Variants in TRRAP observed in about 807,000 individuals in gnomAD.
TRRAP encodes the protein transformation/transcription domain associated protein.
Under a neutral mutation model 438.8 loss-of-function variants are expected in TRRAP, and 41 were observed. That is an observed-to-expected ratio of 0.09 (90% CI 0.07 to 0.12). TRRAP has a LOEUF of 0.12. Among genes scored for constraint, TRRAP ranks in the 10% least tolerant of loss-of-function variants. TRRAP has a pLI of 1.00. For synonymous variants in TRRAP, 1,994 were observed against 1,962.9 expected (o/e 1.02, Z -0.42); for missense variants, 3,122 against 5,055.1 (o/e 0.62, Z 11.60).
At chr7:98,918,113 C>A (rs1287584751) in intron 20 of TRRAP, among the ~76,000 whole-genome samples, 2 of 142,914 alleles carry the variant, frequency 1.4e-5, no homozygotes, top group Admixed American at 1.3e-4. Context: ...AAAATCAGAC[C>A]CTGTCTCAAA....
At chr7:98,980,905 A>G (rs996199585) in intron 58 of TRRAP, among the ~76,000 whole-genome samples, 1 of 151,958 alleles carries the variant, frequency 6.6e-6, no homozygotes, top group Non-Finnish European at 1.5e-5. Flanking sequence ...ATAAACAAAA[A>G]TTAGCCTGGT....
At chr7:98,995,290 G>A (rs1331993920) in intron 67 of TRRAP, among the ~76,000 whole-genome samples, 2 of 151,826 alleles carry the variant, frequency 1.3e-5, no homozygotes, top group East Asian at 3.9e-4. Flanking sequence ...GGTGGGAGAT[G>A]GTGTTAGTGA....
chr7:98,980,671 CAT>C (rs1208624219), intron 58 of TRRAP, among the ~76,000 whole-genome samples: 1 of 152,230 alleles, frequency 6.6e-6, no homozygotes. Flanking sequence ...AAAATTTGCA[CAT>C]GTTCCCTCAT....
chr7:98,973,956 A>G (rs1215826853), intron 53 of TRRAP, among the ~76,000 whole-genome samples: 1 of 151,892 alleles, frequency 6.6e-6, no homozygotes, highest in Non-Finnish European at 1.5e-5. Context: ...TTTGTGTCCC[A>G]TTTTCCTCGT....
Position 98,948,403 on chromosome 7 carries a change from C to CT in TRRAP, c.4668+65dup. ...CCCTCCGGTGCTTATAGCGTCCTCA[C>CT]TTGATCGTATTTTCAATGGACGGAA... On this transcript the variant is annotated intron_variant, in intron 34 of 72. Transcript: ENST00000456197. This position sits in a 1 kb window ranked among gnomAD's most constrained non-coding sequence, Gnocchi z 4.9. 6 of 1,611,570 alleles carry CT rather than the reference C, an allele frequency of 3.7e-6. No individual in the cohort carries two copies. Among genetic ancestry groups the CT allele is most frequent in the Non-Finnish European group, 5.1e-6 (6 of 1,178,534 alleles).
chr7:98,897,326 C>G (rs1441266148), intron 7 of TRRAP, among the ~76,000 whole-genome samples: 2 of 152,176 alleles, frequency 1.3e-5, no homozygotes, highest in Admixed American at 6.5e-5. Context: ...ACTGCCAGCT[C>G]GTAGTTTCTT....
intron 58 of TRRAP, among the ~76,000 whole-genome samples, chr7:98,981,290 T>C (rs1792903165): frequency 6.6e-6 from 1 of 152,124 alleles, no homozygotes; most frequent in Non-Finnish European, 1.5e-5. Flanking sequence ...TAATCCCAGC[T>C]GCTCAGGAGG....
intron 18 of TRRAP, 144 bp downstream of exon 18, chr7:98,912,357 A>G (rs782381001): frequency 2.2e-5 from 15 of 688,138 alleles, no homozygotes; most frequent in Admixed American, 3.7e-5. Context: ...TTTTGGGACT[A>G]TAGGCACTCA....
rs150015663 is a variant in TRRAP, at chr7:98,945,629, T to G, written c.4474-118T>G. The G allele has an allele frequency of 3.5e-5, 41 of 1,175,434 alleles. No individual in the cohort carries two copies. In the East Asian group the frequency reaches 1.0e-3, roughly 29 times the overall value. 72.8% of individuals were successfully genotyped at this position (1,175,434 alleles called of 1,614,324 possible). On this transcript the variant is annotated intron_variant, in intron 31 of 72. Transcript: ENST00000456197. Reference sequence around the variant, plus strand: ...TTGTTAATTACTGTGTGCTTTCTGATAATTTGTGTCTTTACTGTCTTGTTA... The same window carrying G: ...TTGTTAATTACTGTGTGCTTTCTGAGAATTTGTGTCTTTACTGTCTTGTTA...
chr7:98,893,651 C>T, intron 5 of TRRAP, 147 bp from the exon 6 acceptor site: 1 of 723,364 alleles, frequency 1.4e-6, no homozygotes, highest in Non-Finnish European at 2.3e-6. Flanking sequence ...AGCTTTCTGT[C>T]TGGGACAACT....
chr7:98,981,369 T>A (rs958679920), intron 58 of TRRAP, among the ~76,000 whole-genome samples: 1 of 152,228 alleles, frequency 6.6e-6, no homozygotes, highest in Non-Finnish European at 1.5e-5. Context: ...ACCACTGCTC[T>A]GCAGGCTGGG....
At position 98,922,313 on chromosome 7, in the gene TRRAP, C is replaced by T. The variant is rs370419165; in HGVS notation, c.2823+360C>T. ...GCAGTGCCTCGCTTTCTCCCATTCT[C>T]TATCCAAACGCAGCTCGCACTGTCT... On this transcript the variant is annotated intron_variant, in intron 21 of 72. Coordinates refer to ENST00000456197, the MANE Select transcript of TRRAP (RefSeq NM_001375524.1). Among the ~76,000 whole-genome samples, 41 of 152,346 alleles carry T rather than the reference C, an allele frequency of 2.7e-4. No individual in the cohort carries two copies. In the South Asian group the frequency reaches 7.7e-3, roughly 28 times the overall value.
At chr7:98,886,149 G>C (rs1232897464) in intron 3 of TRRAP, among the ~76,000 whole-genome samples, 1 of 152,228 alleles carries the variant, frequency 6.6e-6, no homozygotes, top group Non-Finnish European at 1.5e-5. Context: ...AGCCGAGCAT[G>C]GTGGCACATG....
At position 98,948,432 on chromosome 7, in the gene TRRAP, C is replaced by T; in HGVS notation, c.4668+92C>T. 1 of 1,609,818 alleles carries T rather than the reference C, an allele frequency of 6.2e-7. No individual in the cohort carries two copies. Among genetic ancestry groups the T allele is most frequent in the East Asian group, 2.2e-5 (1 of 44,830 alleles). ...ATCGTATTTTCAATGGACGGAACAGCATAAAGACGTTCGATGTCAACATTT... is the reference window on the plus strand; with the variant it reads ...ATCGTATTTTCAATGGACGGAACAGTATAAAGACGTTCGATGTCAACATTT... On this transcript the variant is annotated intron_variant, in intron 34 of 72. Coordinates refer to ENST00000456197, the MANE Select transcript of TRRAP (RefSeq NM_001375524.1). This position sits in a 1 kb window ranked among gnomAD's most constrained non-coding sequence, Gnocchi z 4.9.
chr7:98,922,052 C>T (rs1256045437), intron 21 of TRRAP, 99 bp downstream of exon 21: 3 of 1,485,370 alleles, frequency 2.0e-6, no homozygotes, highest in East Asian at 2.4e-5. Flanking sequence ...TAGGCAATCT[C>T]TGAGTAGAAC....
intron 65 of TRRAP, among the ~76,000 whole-genome samples, chr7:98,992,450 T>C (rs1255543605): frequency 6.6e-6 from 1 of 152,222 alleles, no homozygotes; most frequent in Non-Finnish European, 1.5e-5. Context: ...TCCGAGTGAT[T>C]TGATCTATAG....
chr7:98,879,682 C>T (rs1438479577), intron 1 of TRRAP, among the ~76,000 whole-genome samples: 2 of 152,210 alleles, frequency 1.3e-5, no homozygotes, highest in African/African-American at 4.8e-5. Context: ...ACAAACTCCC[C>T]CGCCTTGGTT....
chr7:98,946,467 G>GACCACACGTGCACTCAC (rs1554416861), intron 33 of TRRAP, among the ~76,000 whole-genome samples: 1 of 137,834 alleles, frequency 7.3e-6, no homozygotes, highest in East Asian at 2.2e-4. Context: ...CGTGCACACA[G>GACCACACGTGCACTCAC]ACCACACGTG....
At chr7:98,929,444 A>T (rs1790221202) in intron 23 of TRRAP, among the ~76,000 whole-genome samples, 1 of 152,210 alleles carries the variant, frequency 6.6e-6, no homozygotes, top group Non-Finnish European at 1.5e-5. Flanking sequence ...TTTTTGAGTT[A>T]TGATTGAGAT....
Sources: gnomAD v4.1 joint callset for allele counts (sites outside exome capture counted in the v4.1 genomes callset) on GRCh38, gnomAD v4.1.1 for gene constraint, Gnocchi (gnomAD v3.1) non-coding constraint, MANE v1.5 for transcripts, NCBI Gene and HGNC (gene_info 2026-07-23, HGNC 2026-07-21) for gene names.